ARHGAP20: variants seen among roughly 807,000 people sequenced by gnomAD.
ARHGAP20 encodes rho GTPase-activating protein 20.
A neutral mutation model predicts 73.7 loss-of-function variants in ARHGAP20; 34 were observed. The observed-to-expected ratio is 0.46, with a 90% CI of 0.35 to 0.61. ARHGAP20 has a LOEUF of 0.61. ARHGAP20 is among the 20% of genes least tolerant of loss of function. The probability of loss-of-function intolerance (pLI) is 0.00; values close to 1 mark genes in which losing one functional copy is unlikely to be tolerated. For synonymous variants in ARHGAP20, 523 were observed against 518.2 expected, an observed-to-expected ratio of 1.01 and a Z score of -0.13; for missense variants, 1,314 against 1,420.9, an observed-to-expected ratio of 0.92 and a Z score of 1.21.
chr11:110,690,461 T>TA, intron 2 of ARHGAP20, 86 bp downstream of exon 2: 1 of 1,316,274 alleles, frequency 7.6e-7, no homozygotes, highest in Non-Finnish European at 1.1e-6. Context: ...CTCTACACAT[T>TA]AAAGAATATG....
chr11:110,624,390 T>G, intron 3 of ARHGAP20, 79 bp from the exon 4 acceptor site: 1 of 1,223,476 alleles, frequency 8.2e-7, no homozygotes, highest in South Asian at 1.6e-5. Context: ...GAAGGCATCA[T>G]CCTCAGCAAA....
At chr11:110,598,105 A>G (rs922008441) in intron 9 of ARHGAP20, among the ~76,000 whole-genome samples, 4 of 152,172 alleles carry the variant, frequency 2.6e-5, no homozygotes, top group African/African-American at 9.7e-5. Context: ...AATAATAACC[A>G]TAACAACAAA....
chr11:110,587,057 G>A (rs972431023), intron 11 of ARHGAP20, among the ~76,000 whole-genome samples: 1 of 152,194 alleles, frequency 6.6e-6, no homozygotes, highest in Non-Finnish European at 1.5e-5. Context: ...ACCACTGGCA[G>A]GGCTGAGTGT....
At chr11:110,683,194 G>T (rs1039895593) in intron 2 of ARHGAP20, among the ~76,000 whole-genome samples, 1 of 152,052 alleles carries the variant, frequency 6.6e-6, no homozygotes, top group Non-Finnish European at 1.5e-5. Context: ...TTTTTGAAGG[G>T]AAAGTTTGTA....
intron 2 of ARHGAP20, among the ~76,000 whole-genome samples, chr11:110,656,125 T>G (rs1949461309): frequency 6.6e-6 from 1 of 152,164 alleles, no homozygotes; most frequent in South Asian, 2.1e-4. Flanking sequence ...CTTTCAACTT[T>G]CAGCAGTCCC....
intron 2 of ARHGAP20, among the ~76,000 whole-genome samples, chr11:110,687,920 CCAGT>C (rs1950167571): frequency 6.6e-6 from 1 of 151,810 alleles, no homozygotes; most frequent in Non-Finnish European, 1.5e-5. Flanking sequence ...AAAATGAAGC[CCAGT>C]AATTTTTAGA....
rs1242747967 is a variant in ARHGAP20, at chr11:110,648,210, A to AATATAT, written c.189-17424_189-17419dup. Among the ~76,000 whole-genome samples, 190 of 113,204 alleles carry AATATAT rather than the reference A, an allele frequency of 1.7e-3. 1 individual carries two copies. The highest frequency in any genetic ancestry group is 6.0e-3 in the African/African-American group (156 of 25,808). 74.3% of individuals were successfully genotyped at this position (113,204 alleles called of 152,430 possible). ...ATATGTAAATATATATATATATGTA[A>AATATAT]ATATATATATGTATATATATATATA... is the stretch of plus-strand genomic sequence containing the variant. On this transcript the variant is annotated intron_variant, in intron 2 of 14. Transcript: ENST00000683387.
intron 1 of ARHGAP20, among the ~76,000 whole-genome samples, chr11:110,706,355 C>A (rs1950552528): frequency 6.6e-6 from 1 of 152,132 alleles, no homozygotes; most frequent in South Asian, 2.1e-4. Flanking sequence ...TTAACACCTA[C>A]CTCATATAAT....
rs1235541689 is a variant in ARHGAP20, at chr11:110,712,336, C to G, written c.-105G>C. The G allele has an allele frequency of 3.4e-5, 33 of 977,646 alleles. No individual in the cohort carries two copies. The highest frequency in any genetic ancestry group is 4.2e-5 in the Non-Finnish European group (31 of 745,676). The allele number at this position is 977,646 out of a possible 1,614,324, so 60.6% of individuals were successfully genotyped here. A position where few individuals can be genotyped will look rare whatever the true frequency, so the allele number is the denominator to read the frequency against. ...GACGCGCGGGCGGAGGCGCGGCTGC[C>G]GTGCTCAGGCAGGGAGCCGAGCTCC... On this transcript the variant is annotated 5_prime_UTR_variant, in exon 1 of 15. Coordinates refer to ENST00000683387, the MANE Select transcript of ARHGAP20 (RefSeq NM_001384657.1).
intron 2 of ARHGAP20, among the ~76,000 whole-genome samples, chr11:110,668,684 T>C (rs1326086813): frequency 6.6e-6 from 1 of 151,728 alleles, no homozygotes; most frequent in Non-Finnish European, 1.5e-5. Context: ...AGAAAGAAAA[T>C]ATATAATGCC....
At chr11:110,591,628 A>G (rs1056405753) in intron 10 of ARHGAP20, among the ~76,000 whole-genome samples, 3 of 152,226 alleles carry the variant, frequency 2.0e-5, no homozygotes, top group Non-Finnish European at 4.4e-5. Flanking sequence ...ACCTAAGTGT[A>G]GGATCGAGTA....
At chr11:110,620,634 A>C (rs1948608626) in intron 4 of ARHGAP20, among the ~76,000 whole-genome samples, 1 of 152,208 alleles carries the variant, frequency 6.6e-6, no homozygotes. Context: ...AACTTGTGTT[A>C]ACATTTTTTT....
chr11:110,580,941 G>T lies in ARHGAP20; in HGVS notation c.2005C>A (p.Pro669Thr), dbSNP rs751819482. The change falls in exon 15 of 15, where the codon CCA becomes ACA. Residue 669 changes from proline (P) to threonine (T), a missense_variant. By Grantham distance (38) the Pro-to-Thr change is conservative. Around this residue, in one of 3 missense-constraint regions of ARHGAP20, gnomAD observed 641 missense variants for 636.9 expected, o/e 1.01. Transcript: ENST00000683387. Reference protein sequence around the residue: ...PVNILVYTKIPLRDHARAPSA... With the variant: ...PVNILVYTKITLRDHARAPSA... ...GGGGCCCTGGCATGATCCCGCAGTG[G>T]GATCTTTGTGTACACTAAAATGTTC... is the stretch of plus-strand genomic sequence containing the variant. 8 of 1,613,978 alleles carry T rather than the reference G, an allele frequency of 5.0e-6. No homozygotes were observed. In the Admixed American group the frequency reaches 1.3e-4, roughly 27 times the overall value.
At chr11:110,626,803 A>C (rs542873164) in intron 3 of ARHGAP20, among the ~76,000 whole-genome samples, 1 of 152,206 alleles carries the variant, frequency 6.6e-6, no homozygotes, top group African/African-American at 2.4e-5. Flanking sequence ...TGAGGAAGAA[A>C]TCTCATGAAC....
Position 110,612,347 on chromosome 11 carries a change from G to A in ARHGAP20, c.631-961C>T, listed in dbSNP as rs555777007. Among the ~76,000 whole-genome samples, 12 of 151,664 alleles carry A rather than the reference G, an allele frequency of 7.9e-5. No individual in the cohort carries two copies. In the South Asian group the frequency reaches 2.5e-3, roughly 32 times the overall value. On this transcript the variant is annotated intron_variant, in intron 6 of 14. Transcript: ENST00000683387. The stretch of plus-strand genomic sequence containing the variant: ...GGAGGCTGAGGCAGGAGAATGGCTT[G>A]AACCCGGGAGGCGGAGCTTGCAGTG...
At chr11:110,666,335 T>C (rs940849331) in intron 2 of ARHGAP20, among the ~76,000 whole-genome samples, 4 of 152,214 alleles carry the variant, frequency 2.6e-5, no homozygotes, top group African/African-American at 7.2e-5. Flanking sequence ...AGCATTATTA[T>C]TGTAGAAATT....
At chr11:110,644,336 C>G (rs749378285) in intron 2 of ARHGAP20, among the ~76,000 whole-genome samples, 19 of 151,962 alleles carry the variant, frequency 1.3e-4, no homozygotes, top group Non-Finnish European at 2.4e-4. Flanking sequence ...AAAAAAGACA[C>G]GAAATAGTCA....
intron 7 of ARHGAP20, 144 bp from the exon 8 acceptor site, chr11:110,609,194 C>A: frequency 1.5e-6 from 1 of 664,296 alleles, no homozygotes; most frequent in South Asian, 1.9e-5. Context: ...GCAGTGGAAT[C>A]AGGCCTTCAC....
intron 11 of ARHGAP20, among the ~76,000 whole-genome samples, chr11:110,587,504 T>C (rs1395886818): frequency 6.6e-6 from 1 of 152,242 alleles, no homozygotes; most frequent in Non-Finnish European, 1.5e-5. Context: ...GAAGCTGTGA[T>C]AACTTATTGT....
Sources: gnomAD v4.1 joint callset for allele counts (sites outside exome capture counted in the v4.1 genomes callset) on GRCh38, gnomAD v4.1.1 for gene constraint, gnomAD v4.1.1 regional missense constraint, MANE v1.5 for transcripts, NCBI Gene and HGNC (gene_info 2026-07-23, HGNC 2026-07-21) for gene names.